Variants in KAZN observed in about 807,000 individuals in gnomAD.
The protein encoded by KAZN is kazrin.
KAZN carries 40 observed loss-of-function variants against 87.4 expected under a neutral mutation model. The ratio of observed to expected loss-of-function variants is 0.46; its 90% confidence interval spans 0.36 to 0.60. The LOEUF is 0.60. Ranked by LOEUF, KAZN falls within the 20% of genes least tolerant of loss-of-function variation. The pLI, the probability that KAZN is intolerant of heterozygous loss-of-function variation, is 0.00. For missense variants in KAZN, 898 were observed against 1,073.9 expected (o/e 0.84, Z 2.29); for synonymous variants, 466 against 458.3 (o/e 1.02, Z -0.22).
intron 1 of KAZN, among the ~76,000 whole-genome samples, chr1:14,909,356 CCTCT>C (rs1415240134): frequency 1.3e-5 from 2 of 152,100 alleles, no homozygotes; most frequent in African/African-American, 2.4e-5. Context: ...TGGCCTCTGC[CCTCT>C]CTCTCCACTT....
At chr1:14,099,723 C>T (rs1644207414) in intron 1 of KAZN, among the ~76,000 whole-genome samples, 1 of 152,202 alleles carries the variant, frequency 6.6e-6, no homozygotes, top group Non-Finnish European at 1.5e-5. Context: ...CCCACCCTTG[C>T]TTGCTTCCTC....
chr1:14,937,830 G>A (rs189140445), intron 1 of KAZN, among the ~76,000 whole-genome samples: 5 of 152,240 alleles, frequency 3.3e-5, no homozygotes, highest in South Asian at 2.1e-4. Flanking sequence ...CCTGAAAGGC[G>A]CTGATTGCTC....
At chr1:15,040,133 A>G (rs552651634) in intron 3 of KAZN, among the ~76,000 whole-genome samples, 13 of 152,338 alleles carry the variant, frequency 8.5e-5, no homozygotes, top group African/African-American at 3.1e-4. Flanking sequence ...TGACTGACCC[A>G]AGGACACATG....
chr1:14,459,711 C>T (rs1417611533), intron 2 of KAZN, among the ~76,000 whole-genome samples: 2 of 152,096 alleles, frequency 1.3e-5, no homozygotes, highest in Non-Finnish European at 2.9e-5. Flanking sequence ...AATGGAAGAA[C>T]TGGAATGTTC....
chr1:14,091,604 A>G (rs1643996141), intron 1 of KAZN, among the ~76,000 whole-genome samples: 1 of 152,334 alleles, frequency 6.6e-6, no homozygotes, highest in Admixed American at 6.5e-5. Context: ...AAAAATGTCA[A>G]AACATTTTGT....
intron 2 of KAZN, among the ~76,000 whole-genome samples, chr1:14,266,559 A>C (rs1651486355): frequency 6.6e-6 from 1 of 152,246 alleles, no homozygotes; most frequent in Non-Finnish European, 1.5e-5. Context: ...TGTGAGTTTT[A>C]CGCACACTTA....
At chr1:14,175,596 T>C (rs940549279) in intron 1 of KAZN, among the ~76,000 whole-genome samples, 1 of 152,222 alleles carries the variant, frequency 6.6e-6, no homozygotes, top group African/African-American at 2.4e-5. Flanking sequence ...GTACTGTGTG[T>C]GAGTAGTGTA....
chr1:14,634,600 G>A (rs1323302607), intron 1 of KAZN, among the ~76,000 whole-genome samples: 8 of 152,124 alleles, frequency 5.3e-5, no homozygotes, highest in Non-Finnish European at 4.4e-5. Context: ...CTGTGGGTCT[G>A]GACAGCTCAG....
At position 15,117,539 on chromosome 1, in the gene KAZN, A is replaced by G. The variant is rs1387394475; in HGVS notation, c.*2904A>G. 1.3e-5 allele frequency: 2 copies of G among 152,422 alleles called. No individual in the cohort carries two copies. The highest frequency in any genetic ancestry group is 1.3e-4 in the Admixed American group (2 of 15,288). 9.4% of individuals were successfully genotyped at this position (152,422 alleles called of 1,614,324 possible). A position where few individuals can be genotyped will look rare whatever the true frequency, so the allele number is the denominator to read the frequency against. On this transcript the variant is annotated 3_prime_UTR_variant, in exon 15 of 15. Coordinates refer to ENST00000376030, the MANE Select transcript of KAZN (RefSeq NM_201628.3). Reference sequence around the variant, plus strand: ...ATCTGGACCCAATAAAGTGGAGAGAAGGGCGTCTCTACACAGCCCGGCCAG... The same window carrying G: ...ATCTGGACCCAATAAAGTGGAGAGAGGGGCGTCTCTACACAGCCCGGCCAG...
intron 2 of KAZN, among the ~76,000 whole-genome samples, chr1:14,230,888 CAAAG>C (rs1647761334): frequency 1.3e-5 from 2 of 152,160 alleles, no homozygotes; most frequent in Non-Finnish European, 2.9e-5. Context: ...ATGATGGTCT[CAAAG>C]AAGCCTAAGG....
chr1:14,392,408 C>G (rs566881355), intron 2 of KAZN, among the ~76,000 whole-genome samples: 1 of 152,110 alleles, frequency 6.6e-6, no homozygotes, highest in Non-Finnish European at 1.5e-5. Flanking sequence ...CATCATCTCT[C>G]CTGTAGCTGG....
intron 1 of KAZN, among the ~76,000 whole-genome samples, chr1:14,119,788 G>A (rs142551756): frequency 3.9e-5 from 6 of 152,220 alleles, no homozygotes; most frequent in South Asian, 2.1e-4. Context: ...CATCTGTCTC[G>A]TGTCACAAGG....
chr1:14,236,180 C>G (rs1648405676), intron 2 of KAZN, among the ~76,000 whole-genome samples: 1 of 152,184 alleles, frequency 6.6e-6, no homozygotes, highest in Non-Finnish European at 1.5e-5. Flanking sequence ...CTCTCCCACC[C>G]TGGGCCAGTC....
intron 1 of KAZN, among the ~76,000 whole-genome samples, chr1:14,129,039 C>T (rs2101727594): frequency 6.6e-6 from 1 of 152,256 alleles, no homozygotes; most frequent in Admixed American, 6.5e-5. Flanking sequence ...TATTTATGGA[C>T]TCACTTCCCT....
At chr1:14,496,166 G>T (rs1486199589) in intron 2 of KAZN, among the ~76,000 whole-genome samples, 4 of 152,124 alleles carry the variant, frequency 2.6e-5, no homozygotes, top group Non-Finnish European at 5.9e-5. Flanking sequence ...GCTTTAAAGG[G>T]GCTGCTGGTT....
At chr1:14,516,461 T>A (rs2148457199) in intron 2 of KAZN, among the ~76,000 whole-genome samples, 1 of 152,328 alleles carries the variant, frequency 6.6e-6, no homozygotes, top group Non-Finnish European at 1.5e-5. Context: ...ACCACAGTGA[T>A]TGGCTCAGAG....
intron 1 of KAZN, among the ~76,000 whole-genome samples, chr1:14,704,073 T>C (rs577469341): frequency 2.6e-5 from 4 of 152,272 alleles, no homozygotes; most frequent in African/African-American, 9.6e-5. Context: ...AAGAAAGTAG[T>C]AGGCTATGAA....
chr1:13,953,701 G>A (rs1468354276), intron 1 of KAZN, among the ~76,000 whole-genome samples: 2 of 151,776 alleles, frequency 1.3e-5, no homozygotes, highest in African/African-American at 2.4e-5. Flanking sequence ...CTATTTTCAC[G>A]AGCGTGGTGG....
At chr1:14,654,111 C>A (rs933661963) in intron 1 of KAZN, among the ~76,000 whole-genome samples, 1 of 152,042 alleles carries the variant, frequency 6.6e-6, no homozygotes, top group East Asian at 1.9e-4. Context: ...CATGGTGAAA[C>A]CCCTGTCTCT....
Sources: gnomAD v4.1 joint callset for allele counts (sites outside exome capture counted in the v4.1 genomes callset) on GRCh38, gnomAD v4.1.1 for gene constraint, MANE v1.5 for transcripts, NCBI Gene and HGNC (gene_info 2026-07-23, HGNC 2026-07-21) for gene names.